The following SEC24C variants were observed in gnomAD, a reference collection of about 807,000 sequenced individuals.
SEC24C encodes SEC24 homolog C, COPII component, also known as protein transport protein Sec24C.
SEC24C carries 22 observed loss-of-function variants against 117.0 expected under a neutral mutation model. The ratio of observed to expected loss-of-function variants is 0.19; its 90% CI spans 0.13 to 0.27. The LOEUF (loss-of-function observed/expected upper bound fraction) is 0.27. SEC24C is among the 10% of genes least tolerant of loss of function. The probability of loss-of-function intolerance (pLI) is 1.00; values close to 1 mark genes in which losing one functional copy is unlikely to be tolerated. For synonymous variants in SEC24C, 506 were observed against 529.4 expected, an observed-to-expected ratio of 0.96 and a Z score of 0.61; for missense variants, 1,155 against 1,375.1, an observed-to-expected ratio of 0.84 and a Z score of 2.53.
At chr10:73,766,958 T>C (rs2082894058) in intron 13 of SEC24C, 96 bp from the exon 14 acceptor site, 2 of 1,348,306 alleles carry the variant, frequency 1.5e-6, no homozygotes, top group Admixed American at 3.4e-5. Flanking sequence ...GACTGTCCAG[T>C]GTGTTAGACT....
chr10:73,752,482 T>C (rs754871399), intron 3 of SEC24C, among the ~76,000 whole-genome samples: 1 of 152,114 alleles, frequency 6.6e-6, no homozygotes, highest in Non-Finnish European at 1.5e-5. Context: ...GAAAGGGGTA[T>C]GATAATAGAA....
rs1049091204 is a variant in SEC24C at position 73,757,622 on chromosome 10, C to T, written c.309-2000C>T. 2.6e-5 allele frequency among the ~76,000 whole-genome samples: 4 copies of T among 151,500 alleles called. No homozygotes were observed. The East Asian group carries it at 5.9e-4, about 22-fold the overall frequency. On this transcript the variant is annotated intron_variant, in intron 3 of 22. Transcript: ENST00000345254. ...CTCAGTCCGGGCTGGAAGGGATTAT[C>T]GGAGAAAGGCACTTTGATTAGAGTT...
rs1194567159 is a variant in SEC24C at position 73,768,013 on chromosome 10, G to A, written c.2181+6G>A. ...ACAAATATGCTTCCTTTCAGGTATG[G>A]TGTGGGATTTGGGGCAGCAGGTGGC... On this transcript the variant is annotated splice_donor_region_variant and intron_variant, in intron 15 of 22. Coordinates refer to ENST00000345254, the MANE Select transcript of SEC24C (RefSeq NM_198597.3). 6 of 1,609,058 alleles carry A rather than the reference G, an allele frequency of 3.7e-6. No individual in the cohort carries two copies. The East Asian group carries it at 1.3e-4, about 36-fold the overall frequency.
chr10:73,763,736 T>C, intron 7 of SEC24C, 120 bp from the exon 8 acceptor site: 2 of 814,246 alleles, frequency 2.5e-6, no homozygotes, highest in Non-Finnish European at 3.5e-6. Flanking sequence ...CTAGTCCCTC[T>C]GGGGGAAAAA....
Position 73,764,904 on chromosome 10 carries a change from C to T in SEC24C, c.1228-547C>T, listed in dbSNP as rs960814454. Among the ~76,000 whole-genome samples the T allele has an allele frequency of 3.9e-5, 6 of 152,282 alleles. No homozygotes were observed. The East Asian group carries it at 7.7e-4, about 20-fold the overall frequency. On this transcript the variant is annotated intron_variant, in intron 8 of 22. Coordinates refer to ENST00000345254, the MANE Select transcript of SEC24C (RefSeq NM_198597.3). ...TCAGTTTATATTCTGCTTATCTCTC[C>T]GTCTTTCTCTGTGTGTTTGTCTATT... is the stretch of plus-strand genomic sequence containing the variant.
At position 73,771,162 on chromosome 10, in the gene SEC24C, T is replaced by G; in HGVS notation, c.*67T>G. On this transcript the variant is annotated 3_prime_UTR_variant, in exon 23 of 23. Coordinates refer to ENST00000345254, the MANE Select transcript of SEC24C (RefSeq NM_198597.3). ...AAAGCACCCCAGGATGTCAGAGAAATTGGGACAGTAACATATCTTATGTAA... is the reference window on the plus strand; with the variant it reads ...AAAGCACCCCAGGATGTCAGAGAAAGTGGGACAGTAACATATCTTATGTAA... 1.3e-6 allele frequency: 2 copies of G among 1,562,418 alleles called. No individual in the cohort carries two copies. The highest frequency in any genetic ancestry group is 3.6e-5 in the Admixed American group (2 of 55,260).
At chr10:73,767,264 C>T (rs952216601) in intron 14 of SEC24C, 94 bp downstream of exon 14, 2 of 783,442 alleles carry the variant, frequency 2.6e-6, no homozygotes, top group Non-Finnish European at 4.4e-6. Flanking sequence ...CCAGACACTC[C>T]ACCCTTTCAA....
intron 8 of SEC24C, among the ~76,000 whole-genome samples, chr10:73,764,393 G>A (rs1456133543): frequency 2.0e-5 from 3 of 152,000 alleles, no homozygotes; most frequent in Non-Finnish European, 4.4e-5. Flanking sequence ...GCGTGGTGGC[G>A]GGCGCCTGTA....
intron 6 of SEC24C, chr10:73,762,312 T>C (rs556717585): frequency 1.4e-5 from 7 of 486,390 alleles, no homozygotes; most frequent in South Asian, 9.1e-5. Flanking sequence ...TACTCACTTA[T>C]ACAAGATAAA....
At chr10:73,755,625 C>T (rs371335136) in intron 3 of SEC24C, among the ~76,000 whole-genome samples, 11 of 151,262 alleles carry the variant, frequency 7.3e-5, no homozygotes, top group Admixed American at 5.9e-4. Flanking sequence ...TGCAGTGAGC[C>T]GAGATCTTGC....
At chr10:73,759,592 T>C (rs556215842) in intron 3 of SEC24C, 30 bp from the exon 4 acceptor site, 2 of 1,474,298 alleles carry the variant, frequency 1.4e-6, no homozygotes, top group African/African-American at 1.4e-5. Context: ...CTGGCCCCAC[T>C]AGTCACCTCT....
At chr10:73,764,031 G>A in intron 8 of SEC24C, 48 bp downstream of exon 8, 1 of 1,544,738 alleles carries the variant, frequency 6.5e-7, no homozygotes, top group Middle Eastern at 1.8e-4. Flanking sequence ...GGGAGGTAGA[G>A]AGGGGTCTAA....
At chr10:73,770,495 A>C in intron 21 of SEC24C, 24 bp downstream of exon 21, 1 of 1,611,638 alleles carries the variant, frequency 6.2e-7, no homozygotes. Flanking sequence ...GTCAAGGAGA[A>C]TATGGGTGTG....
intron 5 of SEC24C, 126 bp downstream of exon 5, chr10:73,760,512 G>T (rs992088444): frequency 3.2e-6 from 4 of 1,262,288 alleles, no homozygotes; most frequent in South Asian, 1.5e-5. Flanking sequence ...GTAGCTTCAG[G>T]GTATTATTCC....
rs763211240 is a variant in SEC24C, at chr10:73,766,451, T to C, written c.1709T>C (p.Met570Thr). The change falls in exon 12 of 23, where the codon ATG becomes ACG. Residue 570 changes from methionine to threonine, a missense_variant. Met to Thr is a moderately conservative substitution (Grantham distance 81). Around this residue, in one of 2 missense-constraint regions of SEC24C, gnomAD observed 759 missense variants for 992.3 expected, o/e 0.76. Coordinates refer to ENST00000345254, the MANE Select transcript of SEC24C (RefSeq NM_198597.3). ...AAGAGCTCATTGGCCCAGCCACAGATGATGGTTGTGTCTGATGTGGCTGAC... is the reference window on the plus strand; with the variant it reads ...AAGAGCTCATTGGCCCAGCCACAGACGATGGTTGTGTCTGATGTGGCTGAC... ...NVKSSLAQPQ[M>T]MVVSDVADMF... is the part of the protein sequence containing the mutation. 15 of 1,614,134 alleles carry C rather than the reference T, an allele frequency of 9.3e-6. No homozygotes were observed. Among genetic ancestry groups the C allele is most frequent in the South Asian group, 1.1e-5 (1 of 91,080 alleles).
chr10:73,763,843 C>T lies in SEC24C; in HGVS notation c.1100-13C>T, dbSNP rs192110506. On this transcript the variant is annotated splice_polypyrimidine_tract_variant and intron_variant, in intron 7 of 22. Transcript: ENST00000345254. ...TCTGTGATCTGACTCGGGTCTTCTGCCTCCTTCTTCAGGGAATGCAAGTCC... is the reference window on the plus strand; with the variant it reads ...TCTGTGATCTGACTCGGGTCTTCTGTCTCCTTCTTCAGGGAATGCAAGTCC... 2.6e-4 allele frequency: 419 copies of T among 1,612,300 alleles called. No homozygotes were observed. The highest frequency in any genetic ancestry group is 1.0e-5 in the Non-Finnish European group (12 of 1,179,044).
At chr10:73,766,270 G>A in intron 11 of SEC24C, 60 bp downstream of exon 11, 1 of 1,586,688 alleles carries the variant, frequency 6.3e-7, no homozygotes, top group Non-Finnish European at 8.6e-7. Context: ...TGGGTTGACT[G>A]AAGAAATGTA....
chr10:73,767,282 A>T, intron 14 of SEC24C, 112 bp downstream of exon 14: 1 of 691,504 alleles, frequency 1.4e-6, no homozygotes, highest in Non-Finnish European at 2.5e-6. Context: ...CAAATACCAT[A>T]TCTGTGACTG....
intron 4 of SEC24C, 29 bp downstream of exon 4, chr10:73,759,823 C>T (rs751086907): frequency 3.3e-6 from 5 of 1,536,422 alleles, no homozygotes; most frequent in South Asian, 1.3e-5. Context: ...AGGAATGTTA[C>T]TGTCCCCTGT....
Sources: allele counts gnomAD v4.1 joint callset (sites outside exome capture counted in the v4.1 genomes callset), GRCh38; gene constraint gnomAD v4.1.1; regional missense constraint gnomAD v4.1.1; transcripts MANE v1.5; gene names NCBI Gene and HGNC (gene_info 2026-07-23, HGNC 2026-07-21).